The following RCHY1 variants were observed in gnomAD, a reference collection of about 807,000 sequenced individuals.
RCHY1 encodes RING finger and CHY zinc finger domain-containing protein 1.
In RCHY1, 21 loss-of-function variants were observed where a neutral mutation model predicts 41.6. The observed-to-expected ratio is 0.51, with a 90% CI of 0.36 to 0.73. The LOEUF (loss-of-function observed/expected upper bound fraction) is 0.73. Ranked by LOEUF, RCHY1 falls within the 30% of genes least tolerant of loss-of-function variation. The pLI, the probability that RCHY1 is intolerant of heterozygous loss-of-function variation, is 0.00. For synonymous variants in RCHY1, 79 were observed against 102.9 expected (o/e 0.77, Z 1.41); for missense variants, 265 against 325.3 (o/e 0.81, Z 1.43).
upstream of RCHY1, chr4:75,514,521 G>C (rs988437712): frequency 2.8e-5 from 14 of 501,966 alleles, no homozygotes; most frequent in Admixed American, 4.4e-4. Context: ...GCTGCTAACG[G>C]TAATAACTCT....
chr4:75,510,129 G>A (rs1057068748), intron 1 of RCHY1, among the ~76,000 whole-genome samples: 2 of 151,940 alleles, frequency 1.3e-5, no homozygotes, highest in South Asian at 2.1e-4. Flanking sequence ...TTTCAAACAC[G>A]GCAAAGACTG....
chr4:75,500,065 T>C (rs914970865), intron 3 of RCHY1, among the ~76,000 whole-genome samples: 1 of 152,062 alleles, frequency 6.6e-6, no homozygotes, highest in African/African-American at 2.4e-5. Context: ...CACATAAACC[T>C]GGGAGGTCAA....
chr4:75,483,836 T>C (rs1437167299), intron 8 of RCHY1, among the ~76,000 whole-genome samples: 2 of 152,182 alleles, frequency 1.3e-5, no homozygotes, highest in Non-Finnish European at 2.9e-5. Context: ...TCAGAAAATG[T>C]GTAATATAAC....
chr4:75,482,676 G>A lies in RCHY1; in HGVS notation c.658-10C>T. On this transcript the variant is annotated splice_polypyrimidine_tract_variant and intron_variant, in intron 8 of 8. Transcript: ENST00000324439. ...AGTCATTGCAGAGAATCTGAAAAGA[G>A]ATTAATTCAAATTAAGTATTTTAAA... 2 of 1,582,084 alleles carry A rather than the reference G, an allele frequency of 1.3e-6. No individual in the cohort carries two copies. The highest frequency in any genetic ancestry group is 2.3e-5 in the South Asian group (2 of 87,504).
intron 3 of RCHY1, among the ~76,000 whole-genome samples, chr4:75,499,500 C>A (rs1055430727): frequency 6.6e-6 from 1 of 152,154 alleles, no homozygotes; most frequent in Non-Finnish European, 1.5e-5. Flanking sequence ...TTCAAAATAG[C>A]TGAAATATGG....
chr4:75,509,347 G>C, intron 1 of RCHY1, 51 bp from the exon 2 acceptor site: 1 of 1,578,754 alleles, frequency 6.3e-7, no homozygotes, highest in Non-Finnish European at 8.6e-7. Flanking sequence ...AAGAAACTAA[G>C]TGTGCAATAC....
At chr4:75,511,249 A>C (rs1724841974) in intron 1 of RCHY1, among the ~76,000 whole-genome samples, 1 of 152,216 alleles carries the variant, frequency 6.6e-6, no homozygotes, top group African/African-American at 2.4e-5. Flanking sequence ...ATTCATTAAA[A>C]GTCTTTAGGT....
Position 75,491,515 on chromosome 4 carries a change from ATATAG to A in RCHY1, c.536+91_536+95del, listed in dbSNP as rs1403475399. ...TTCAATATAAATATTGCCATGCCCA[ATATAG>A]TATAAGTAACAATGTTTGTCCACCT... On this transcript the variant is annotated intron_variant, in intron 7 of 8. Coordinates refer to ENST00000324439, the MANE Select transcript of RCHY1 (RefSeq NM_015436.4). The A allele has an allele frequency of 3.6e-6, 4 of 1,100,536 alleles. No homozygotes were observed. The Admixed American group carries it at 6.3e-5, about 17-fold the overall frequency. The allele number at this position is 1,100,536 out of a possible 1,614,324, so 68.2% of individuals were successfully genotyped here.
At chr4:75,488,241 C>T (rs929258056) in intron 8 of RCHY1, among the ~76,000 whole-genome samples, 1 of 151,784 alleles carries the variant, frequency 6.6e-6, no homozygotes, top group Non-Finnish European at 1.5e-5. Flanking sequence ...TATTGCAGGC[C>T]ACAGAAATAA....
intron 1 of RCHY1, among the ~76,000 whole-genome samples, chr4:75,513,556 T>C (rs1305105520): frequency 6.6e-6 from 1 of 152,198 alleles, no homozygotes; most frequent in Non-Finnish European, 1.5e-5. Context: ...ATTTTTGTAC[T>C]GTTTCTTGCA....
rs918328418 is a variant in RCHY1, at chr4:75,514,395, C to T, written c.-109G>A. On this transcript the variant is annotated 5_prime_UTR_variant, in exon 1 of 9. Coordinates refer to ENST00000324439, the MANE Select transcript of RCHY1 (RefSeq NM_015436.4). ...CCCTCCCAGCCCCAGCGGCCACTAG[C>T]GACAATATGGCTCCTAAGCACGTGA... 13 of 1,276,368 alleles carry T rather than the reference C, an allele frequency of 1.0e-5. No homozygotes were observed. Among genetic ancestry groups the T allele is most frequent in the South Asian group, 1.4e-5 (1 of 69,254 alleles). 79.1% of individuals were successfully genotyped at this position (1,276,368 alleles called of 1,614,324 possible). A position where few individuals can be genotyped will look rare whatever the true frequency, so the allele number is the denominator to read the frequency against.
At chr4:75,487,589 CATAATATATATTCATATATATTCATAAT>C (rs1722204655) in intron 8 of RCHY1, among the ~76,000 whole-genome samples, 1 of 78,422 alleles carries the variant, frequency 1.3e-5, no homozygotes, top group African/African-American at 6.3e-5. Flanking sequence ...TATATATATT[CATAATATATATTCATATATATTCATAAT>C]ATATATATTC....
chr4:75,508,819 C>G lies in RCHY1; in HGVS notation c.326+1G>C. On this transcript the variant is annotated splice_donor_variant, in intron 3 of 8. Transcript: ENST00000324439. LOFTEE classifies it high-confidence loss of function. Reference sequence around the variant, plus strand: ...AGATAAGAACACTTTACATACAGTACCTACAAATTCCACAGTTTTCACAGT... The same window carrying G: ...AGATAAGAACACTTTACATACAGTAGCTACAAATTCCACAGTTTTCACAGT... The G allele has an allele frequency of 6.4e-7, 1 of 1,553,154 alleles. No individual in the cohort carries two copies. The highest frequency in any genetic ancestry group is 1.4e-5 in the African/African-American group (1 of 73,182).
At position 75,491,703 on chromosome 4, in the gene RCHY1, G is replaced by A. The variant is rs1722767702; in HGVS notation, c.509+21C>T. ...GTCTCCACTATTTTCAAACATCATT[G>A]AGAAAAAGATGTTACTTTACCTATG... On this transcript the variant is annotated intron_variant, in intron 6 of 8. Transcript: ENST00000324439. 2.5e-6 allele frequency: 4 copies of A among 1,605,422 alleles called. No homozygotes were observed. In the East Asian group the frequency reaches 8.9e-5, roughly 36 times the overall value.
intron 8 of RCHY1, among the ~76,000 whole-genome samples, chr4:75,486,843 G>C (rs1290560154): frequency 6.6e-6 from 1 of 152,130 alleles, no homozygotes; most frequent in Non-Finnish European, 1.5e-5. Context: ...GCCAGGCGTA[G>C]TGGTGTGCGC....
At chr4:75,484,292 G>A (rs146767521) in intron 8 of RCHY1, among the ~76,000 whole-genome samples, 138 of 152,174 alleles carry the variant, frequency 9.1e-4, no homozygotes, top group African/African-American at 3.1e-3. Flanking sequence ...AAAGCTCTGC[G>A]CATTTGTGTT....
At chr4:75,497,794 C>A (rs193088792) in intron 3 of RCHY1, among the ~76,000 whole-genome samples, 58 of 151,326 alleles carry the variant, frequency 3.8e-4, no homozygotes, top group Non-Finnish European at 7.8e-4. Context: ...ATTCAAAAAG[C>A]TCAACAAACC....
At chr4:75,495,959 G>A (rs991743751) in intron 3 of RCHY1, among the ~76,000 whole-genome samples, 8 of 151,966 alleles carry the variant, frequency 5.3e-5, no homozygotes, top group African/African-American at 1.9e-4. Flanking sequence ...CAAACTATTT[G>A]AATTACTATA....
At chr4:75,490,496 T>TA in intron 8 of RCHY1, 85 bp downstream of exon 8, 1 of 1,020,892 alleles carries the variant, frequency 9.8e-7, no homozygotes, top group Middle Eastern at 2.2e-4. Flanking sequence ...TATATATATT[T>TA]TTTTTTTGGC....
Sources: gnomAD v4.1 joint callset for allele counts (sites outside exome capture counted in the v4.1 genomes callset) on GRCh38, gnomAD v4.1.1 for gene constraint, MANE v1.5 for transcripts, NCBI Gene and HGNC (gene_info 2026-07-23, HGNC 2026-07-21) for gene names.